MYO10: variants seen among roughly 807,000 people sequenced by gnomAD.
MYO10 encodes unconventional myosin-X.
MYO10 carries 133 observed loss-of-function variants against 257.3 expected under a neutral mutation model. The ratio of observed to expected loss-of-function variants is 0.52; its 90% CI spans 0.45 to 0.60. The LOEUF is 0.60. MYO10 is among the 20% of genes least tolerant of loss of function. The pLI is 0.00. For missense variants in MYO10, 2,399 were observed against 2,635.7 expected (o/e 0.91, Z 1.97); for synonymous variants, 1,104 against 1,028.6 (o/e 1.07, Z -1.40).
At chr5:16,840,915 C>T (rs1000620132) in intron 2 of MYO10, among the ~76,000 whole-genome samples, 1 of 151,694 alleles carries the variant, frequency 6.6e-6, no homozygotes, top group African/African-American at 2.4e-5. Flanking sequence ...CCAAGGCAGG[C>T]GGATCACCTG....
intron 2 of MYO10, among the ~76,000 whole-genome samples, chr5:16,853,368 C>T (rs1323447782): frequency 2.1e-5 from 3 of 144,364 alleles, no homozygotes; most frequent in Non-Finnish European, 4.6e-5. Context: ...AGTGAGACTC[C>T]GTCTCAAAAA....
At chr5:16,922,297 G>A (rs1241011188) in intron 1 of MYO10, among the ~76,000 whole-genome samples, 1 of 152,082 alleles carries the variant, frequency 6.6e-6, no homozygotes, top group Non-Finnish European at 1.5e-5. Flanking sequence ...ATCCGAGGGG[G>A]AAAACTTCCA....
intron 1 of MYO10, among the ~76,000 whole-genome samples, chr5:16,885,663 C>T (rs1234883816): frequency 2.0e-5 from 3 of 150,592 alleles, no homozygotes; most frequent in African/African-American, 7.3e-5. Flanking sequence ...CAGGGCAAGA[C>T]TCTGTCTCAA....
At position 16,871,709 on chromosome 5, in the gene MYO10, C is replaced by T. The variant is rs1001897931; in HGVS notation, c.120+5900G>A. On this transcript the variant is annotated intron_variant, in intron 2 of 40. Coordinates refer to ENST00000513610, the MANE Select transcript of MYO10 (RefSeq NM_012334.3). ...TCCTAATGCTTGGCGACGATTCCTG[C>T]ATGTTCCACAGTGAACTTGTAACGT... Among the ~76,000 whole-genome samples the T allele has an allele frequency of 3.3e-5, 5 of 152,160 alleles. No homozygotes were observed. In the East Asian group the frequency reaches 7.7e-4, roughly 23 times the overall value.
intron 2 of MYO10, among the ~76,000 whole-genome samples, chr5:16,845,051 T>C (rs943573024): frequency 1.3e-5 from 2 of 152,150 alleles, no homozygotes; most frequent in Non-Finnish European, 2.9e-5. Context: ...TTTAACTTGA[T>C]GTATTAAAAT....
chr5:16,813,267 C>T (rs1742496736), intron 3 of MYO10, among the ~76,000 whole-genome samples: 1 of 152,144 alleles, frequency 6.6e-6, no homozygotes, highest in African/African-American at 2.4e-5. Context: ...TGCCTGTCAT[C>T]CCAACACGTT....
At chr5:16,831,753 A>T (rs959686387) in intron 2 of MYO10, among the ~76,000 whole-genome samples, 3 of 152,150 alleles carry the variant, frequency 2.0e-5, no homozygotes, top group Non-Finnish European at 1.5e-5. Flanking sequence ...GGGATAAAAG[A>T]CTACAAATTG....
At chr5:16,770,498 AT>A (rs1470467705) in intron 9 of MYO10, among the ~76,000 whole-genome samples, 2 of 152,116 alleles carry the variant, frequency 1.3e-5, no homozygotes, top group Non-Finnish European at 2.9e-5. Context: ...CATATCTAAG[AT>A]TTGCTGATTT....
intron 2 of MYO10, among the ~76,000 whole-genome samples, chr5:16,870,570 T>C (rs1469565767): frequency 1.3e-5 from 2 of 150,078 alleles, no homozygotes; most frequent in Non-Finnish European, 2.9e-5. Context: ...AAACTCTTTG[T>C]GGATTCTAAG....
chr5:16,805,700 G>A (rs1264063881), intron 3 of MYO10, among the ~76,000 whole-genome samples: 1 of 152,074 alleles, frequency 6.6e-6, no homozygotes, highest in Non-Finnish European at 1.5e-5. Context: ...TAAATAAGCT[G>A]GTCGGTTTAA....
intron 18 of MYO10, among the ~76,000 whole-genome samples, chr5:16,756,130 T>TG (rs1326071658): frequency 3.3e-5 from 5 of 152,186 alleles, no homozygotes; most frequent in Non-Finnish European, 5.9e-5. Context: ...TGGAGTACAG[T>TG]GGTGTGATCA....
Position 16,935,901 on chromosome 5 carries a change from G to T in MYO10, c.-93C>A. 2 of 1,517,354 alleles carry T rather than the reference G, an allele frequency of 1.3e-6. No homozygotes were observed. Among genetic ancestry groups the T allele is most frequent in the East Asian group, 2.4e-5 (1 of 41,238 alleles). 94.0% of individuals were successfully genotyped at this position (1,517,354 alleles called of 1,614,324 possible). On this transcript the variant is annotated 5_prime_UTR_variant, in exon 1 of 41. Coordinates refer to ENST00000513610, the MANE Select transcript of MYO10 (RefSeq NM_012334.3). ...CCGGGGAAACCATGCGTGTCACGGC[G>T]CCACTCCCGAGGACGCGCGCCCGCG... is the stretch of plus-strand genomic sequence containing the variant.
At chr5:16,679,157 C>G (rs886610529) in intron 33 of MYO10, among the ~76,000 whole-genome samples, 6 of 152,156 alleles carry the variant, frequency 3.9e-5, no homozygotes, top group Non-Finnish European at 8.8e-5. Context: ...GAGAGGGATG[C>G]CAAGTGTTCT....
chr5:16,818,947 T>C (rs1742722576), intron 2 of MYO10, among the ~76,000 whole-genome samples: 1 of 152,216 alleles, frequency 6.6e-6, no homozygotes, highest in African/African-American at 2.4e-5. Context: ...GGTTTCCCTA[T>C]ATAATGTTTC....
intron 2 of MYO10, among the ~76,000 whole-genome samples, chr5:16,877,178 T>C (rs1744627061): frequency 6.6e-6 from 1 of 152,224 alleles, no homozygotes; most frequent in Non-Finnish European, 1.5e-5. Flanking sequence ...TATGGTATTC[T>C]GTCATGGCAG....
chr5:16,713,255 C>T (rs1738701196), intron 19 of MYO10: 6 of 940,808 alleles, frequency 6.4e-6, no homozygotes, highest in South Asian at 4.9e-5. Context: ...TTCCCCAGTC[C>T]GAAGCTCGAG....
At chr5:16,845,076 C>T (rs1043233579) in intron 2 of MYO10, among the ~76,000 whole-genome samples, 1 of 152,166 alleles carries the variant, frequency 6.6e-6, no homozygotes, top group African/African-American at 2.4e-5. Flanking sequence ...AAAAACCTTA[C>T]CTTTAAGCAA....
At chr5:16,896,815 G>C (rs1745231895) in intron 1 of MYO10, among the ~76,000 whole-genome samples, 1 of 152,044 alleles carries the variant, frequency 6.6e-6, no homozygotes, top group African/African-American at 2.4e-5. Flanking sequence ...GGGCCTTCTG[G>C]GTGGTTACCA....
In MYO10 at chr5:16,778,749, T is replaced by G. The variant is rs377077963; in HGVS notation, c.930+796A>C. ...GCTGTCTCCCAGGCTGGAGTGCAGTTGCGCGATCTCGGCTCACTGCAAGCT... is the reference window on the plus strand; with the variant it reads ...GCTGTCTCCCAGGCTGGAGTGCAGTGGCGCGATCTCGGCTCACTGCAAGCT... On this transcript the variant is annotated intron_variant, in intron 9 of 40. Coordinates refer to ENST00000513610, the MANE Select transcript of MYO10 (RefSeq NM_012334.3). 1.7e-3 allele frequency among the ~76,000 whole-genome samples: 250 copies of G among 148,128 alleles called. 2 individuals are homozygous for G. The highest frequency in any genetic ancestry group is 5.6e-3 in the African/African-American group (223 of 40,100).
Sources: gnomAD v4.1 joint callset for allele counts (sites outside exome capture counted in the v4.1 genomes callset) on GRCh38, gnomAD v4.1.1 for gene constraint, MANE v1.5 for transcripts, NCBI Gene and HGNC (gene_info 2026-07-23, HGNC 2026-07-21) for gene names.